The following RSAD2 variants were observed in gnomAD, a reference collection of about 807,000 sequenced individuals.
The protein encoded by RSAD2 is radical S-adenosyl methionine domain containing 2.
A neutral mutation model predicts 37.7 loss-of-function variants in RSAD2; 38 were observed. The ratio of observed to expected loss-of-function variants is 1.01; its 90% CI spans 0.78 to 1.32. The LOEUF (loss-of-function observed/expected upper bound fraction) is 1.32. Among genes scored for constraint, RSAD2 ranks in the 40% most tolerant of loss-of-function variants. The pLI is 0.00. For synonymous variants in RSAD2, 163 were observed against 157.4 expected, an observed-to-expected ratio of 1.04 and a Z score of -0.27; for missense variants, 428 against 437.5, an observed-to-expected ratio of 0.98 and a Z score of 0.19.
At chr2:6,891,456 A>G (rs1358303319) in intron 4 of RSAD2, among the ~76,000 whole-genome samples, 1 of 152,190 alleles carries the variant, frequency 6.6e-6, no homozygotes. Flanking sequence ...TTATGTAAAG[A>G]TATGTTACTG....
intron 1 of RSAD2, among the ~76,000 whole-genome samples, chr2:6,879,795 T>C (rs949796210): frequency 3.3e-5 from 5 of 152,180 alleles, no homozygotes; most frequent in Admixed American, 3.3e-4. Context: ...AGAAATGTTT[T>C]AGATAAATGA....
intron 2 of RSAD2, among the ~76,000 whole-genome samples, chr2:6,885,978 T>G (rs1663509548): frequency 6.6e-6 from 1 of 152,186 alleles, no homozygotes; most frequent in African/African-American, 2.4e-5. Context: ...TAAAATAAAA[T>G]TAGCCCAAAA....
intron 2 of RSAD2, 130 bp downstream of exon 2, chr2:6,883,662 C>A: frequency 9.8e-7 from 1 of 1,020,858 alleles, no homozygotes; most frequent in Non-Finnish European, 1.4e-6. Flanking sequence ...ACTAATCTTG[C>A]TTACTCTAAT....
intron 2 of RSAD2, 36 bp downstream of exon 2, chr2:6,883,568 T>C: frequency 6.2e-7 from 1 of 1,606,718 alleles, no homozygotes; most frequent in Non-Finnish European, 8.5e-7. Flanking sequence ...CTTATTGCTA[T>C]TGCTATTTTT....
At chr2:6,867,889 TA>T (rs1384018872) in intron 1 of RSAD2, among the ~76,000 whole-genome samples, 2 of 152,260 alleles carry the variant, frequency 1.3e-5, no homozygotes, top group Non-Finnish European at 2.9e-5. Flanking sequence ...CAATATTATA[TA>T]AGTGTTGAAG....
At chr2:6,892,442 C>A (rs1663652769) in intron 4 of RSAD2, among the ~76,000 whole-genome samples, 2 of 152,128 alleles carry the variant, frequency 1.3e-5, no homozygotes, top group African/African-American at 4.8e-5. Flanking sequence ...TGGTTGAGTA[C>A]CTCCTTTGTA....
intron 1 of RSAD2, among the ~76,000 whole-genome samples, chr2:6,879,644 GCAGCTTTTTAAAATGTACTATTTTGTT>G (rs1265553920): frequency 6.6e-6 from 1 of 151,226 alleles, no homozygotes; most frequent in African/African-American, 2.4e-5. Flanking sequence ...AATATGTCTT[GCAGCTTTTTAAAATGTACTATTTTGTT>G]CAGTTTTTTT....
At chr2:6,890,106 G>A (rs1663600289) in intron 3 of RSAD2, 70 bp from the exon 4 acceptor site, 1 of 1,461,834 alleles carries the variant, frequency 6.8e-7, no homozygotes, top group Non-Finnish European at 9.5e-7. Flanking sequence ...GCTTGAAAAG[G>A]GGGAGTGAGG....
rs1663313437 is a variant in RSAD2, at chr2:6,877,828, G to T, written c.28G>T (p.Ala10Ser). ...GTGGGTGCTTACACCTGCTGCTTTT[G>T]CTGGGAAGCTCTTGAGTGTGTTCAG... The part of the protein sequence containing the change: MWVLTPAAF[A>S]GKLLSVFRQP... Residue 10 changes from alanine (A) to serine (S), a missense_variant, in exon 1 of 6, where the codon GCT becomes TCT. Transcript: ENST00000382040. 6.2e-7 allele frequency: 1 copy of T among 1,613,992 alleles called. No individual in the cohort carries two copies. The highest frequency in any genetic ancestry group is 8.5e-7 in the Non-Finnish European group (1 of 1,179,954).
intron 1 of RSAD2, among the ~76,000 whole-genome samples, chr2:6,867,900 G>C (rs908919698): frequency 3.3e-5 from 5 of 152,210 alleles, no homozygotes; most frequent in Non-Finnish European, 5.9e-5. Context: ...AAGTGTTGAA[G>C]ATGTTGAAGA....
At chr2:6,869,423 T>C (rs1448880) in intron 1 of RSAD2, among the ~76,000 whole-genome samples, 143,491 of 152,196 alleles carry the variant, frequency 0.94, 68,170 homozygotes, top group East Asian at 1. Flanking sequence ...CCCACTCTTA[T>C]TTCAGAGCAT....
intron 2 of RSAD2, among the ~76,000 whole-genome samples, chr2:6,885,097 C>T (rs1558336135): frequency 1.3e-5 from 2 of 152,058 alleles, no homozygotes; most frequent in Non-Finnish European, 2.9e-5. Context: ...CAGCTATGCT[C>T]ACGTCTAGGG....
At chr2:6,876,722 A>G (rs1447799132), upstream of RSAD2, 1 of 152,244 alleles carries the variant, frequency 6.6e-6, no homozygotes, top group East Asian at 1.9e-4. Flanking sequence ...TCAGAATATG[A>G]CAGTATCAGA....
chr2:6,874,730 T>A (rs962974532), upstream of RSAD2, among the ~76,000 whole-genome samples: 1 of 152,222 alleles, frequency 6.6e-6, no homozygotes. Flanking sequence ...TCATTAGTTA[T>A]AGTTTGCAAT....
At chr2:6,883,229 G>T (rs1200695680) in intron 1 of RSAD2, 142 bp from the exon 2 acceptor site, 1 of 801,366 alleles carries the variant, frequency 1.2e-6, no homozygotes, top group Non-Finnish European at 2.0e-6. Flanking sequence ...GGTGGGATTG[G>T]TGTTGGGAAC....
intron 1 of RSAD2, chr2:6,866,637 A>G (rs778154357): frequency 6.1e-6 from 1 of 162,646 alleles, no homozygotes; most frequent in Non-Finnish European, 1.3e-5. Flanking sequence ...TAACTGCCTA[A>G]CAGTGTAACA....
chr2:6,883,672 T>C, intron 2 of RSAD2, 140 bp downstream of exon 2: 1 of 945,334 alleles, frequency 1.1e-6, no homozygotes, highest in South Asian at 1.7e-5. Context: ...CTTACTCTAA[T>C]TGCTTTTCAA....
chr2:6,890,552 A>T (rs2103247688), intron 4 of RSAD2, among the ~76,000 whole-genome samples: 1 of 152,142 alleles, frequency 6.6e-6, no homozygotes, highest in Non-Finnish European at 1.5e-5. Context: ...TCCACGATGG[A>T]TAGAGTGGTA....
intron 1 of RSAD2, among the ~76,000 whole-genome samples, chr2:6,872,512 GTGTA>G (rs1460897266): frequency 6.6e-6 from 1 of 152,154 alleles, no homozygotes; most frequent in Non-Finnish European, 1.5e-5. Context: ...CTGTTTGCAA[GTGTA>G]TGAGGAGGGT....
Sources: gnomAD v4.1 joint callset for allele counts (sites outside exome capture counted in the v4.1 genomes callset) on GRCh38, gnomAD v4.1.1 for gene constraint, MANE v1.5 for transcripts, NCBI Gene and HGNC (gene_info 2026-07-23, HGNC 2026-07-21) for gene names.